PDE3A: variants seen among roughly 807,000 people sequenced by gnomAD.
PDE3A encodes the protein phosphodiesterase 3A, also known as cGMP-inhibited 3',5'-cyclic phosphodiesterase 3A.
PDE3A carries 43 observed loss-of-function variants against 98.3 expected under a neutral mutation model. That is an observed-to-expected ratio of 0.44 (90% CI 0.34 to 0.56). PDE3A has a LOEUF of 0.56. PDE3A is among the 20% of genes least tolerant of loss of function. The pLI is 0.01. For synonymous variants in PDE3A, 663 were observed against 567.9 expected (o/e 1.17, Z -2.38); for missense variants, 1,427 against 1,440.7 (o/e 0.99, Z 0.15).
chr12:20,569,944 C>A (rs966545876), intron 2 of PDE3A, among the ~76,000 whole-genome samples: 1 of 152,074 alleles, frequency 6.6e-6, no homozygotes, highest in Non-Finnish European at 1.5e-5. Context: ...GGCCAGATGA[C>A]CTCTGCAGTG....
intron 10 of PDE3A, among the ~76,000 whole-genome samples, chr12:20,644,513 A>G (rs1407010417): frequency 6.6e-6 from 1 of 152,178 alleles, no homozygotes; most frequent in Non-Finnish European, 1.5e-5. Flanking sequence ...CCAAGTTAGC[A>G]TGGATAATAT....
intron 1 of PDE3A, among the ~76,000 whole-genome samples, chr12:20,484,642 G>C (rs1330791479): frequency 6.6e-6 from 1 of 151,998 alleles, no homozygotes; most frequent in Non-Finnish European, 1.5e-5. Context: ...TTTCTGCTTT[G>C]TCTTTTACCT....
intron 1 of PDE3A, among the ~76,000 whole-genome samples, chr12:20,555,323 A>G (rs1942343280): frequency 6.6e-6 from 1 of 152,150 alleles, no homozygotes; most frequent in Non-Finnish European, 1.5e-5. Context: ...CCTCTAATGG[A>G]TTCTTTTTTA....
In PDE3A at chr12:20,681,576, C is replaced by G. The variant is rs911419085; in HGVS notation, c.*1305C>G. ...AGTTTGTCTTTCAGGGGTGAAGGTC[C>G]CACTGACAACCCCTGTTGTGGTGTT... is the stretch of plus-strand genomic sequence containing the variant. On this transcript the variant is annotated 3_prime_UTR_variant, in exon 16 of 16. Coordinates refer to ENST00000359062, the MANE Select transcript of PDE3A (RefSeq NM_000921.5). 3 of 152,176 alleles carry G rather than the reference C, an allele frequency of 2.0e-5. No homozygotes were observed. Among genetic ancestry groups the G allele is most frequent in the Non-Finnish European group, 2.9e-5 (2 of 68,040 alleles). The allele number at this position is 152,176 out of a possible 1,614,324, so 9.4% of individuals were successfully genotyped here.
intron 15 of PDE3A, among the ~76,000 whole-genome samples, chr12:20,663,019 G>A (rs548035672): frequency 2.8e-4 from 43 of 152,326 alleles, no homozygotes; most frequent in South Asian, 6.2e-4. Flanking sequence ...ACTTGGTGCC[G>A]TGAGTCCCAG....
chr12:20,665,074 A>G (rs1173477503), intron 15 of PDE3A, among the ~76,000 whole-genome samples: 1 of 152,094 alleles, frequency 6.6e-6, no homozygotes, highest in African/African-American at 2.4e-5. Context: ...CCACCTCCAT[A>G]CAATATTGTA....
intron 2 of PDE3A, among the ~76,000 whole-genome samples, chr12:20,594,328 G>C (rs77529234): frequency 0.015 from 2,308 of 152,220 alleles, 59 homozygotes; most frequent in African/African-American, 0.053. Context: ...ACAGTGGTAG[G>C]AGACTGGTAT....
At chr12:20,401,811 T>C (rs1027660783) in intron 1 of PDE3A, among the ~76,000 whole-genome samples, 4 of 152,204 alleles carry the variant, frequency 2.6e-5, no homozygotes, top group Non-Finnish European at 5.9e-5. Flanking sequence ...CAATGTATAA[T>C]TGAGCCCACC....
intron 1 of PDE3A, among the ~76,000 whole-genome samples, chr12:20,537,893 A>T (rs191629666): frequency 6.6e-6 from 1 of 151,470 alleles, no homozygotes; most frequent in Non-Finnish European, 1.5e-5. Context: ...TTAAAATTCT[A>T]TAGTCAGATC....
Position 20,552,080 on chromosome 12 carries a change from G to T in PDE3A, c.961-4580G>T. ...TTCACATACACGGGTAGTGGTGGTC[G>T]AGAGCTTTCCGGCAACAAGAGGACC... is the stretch of plus-strand genomic sequence containing the variant. On this transcript the variant is annotated intron_variant, in intron 1 of 15. Coordinates refer to ENST00000359062, the MANE Select transcript of PDE3A (RefSeq NM_000921.5). The surrounding 1 kb of genome is among the most constrained non-coding windows in gnomAD (Gnocchi z 5.1). 6.2e-7 allele frequency: 1 copy of T among 1,612,666 alleles called. No homozygotes were observed. The highest frequency in any genetic ancestry group is 8.5e-7 in the Non-Finnish European group (1 of 1,179,896).
intron 12 of PDE3A, among the ~76,000 whole-genome samples, chr12:20,647,395 AT>A (rs1423684666): frequency 6.7e-6 from 1 of 149,542 alleles, no homozygotes; most frequent in East Asian, 2.0e-4. Context: ...GGTTGGTAGG[AT>A]TTTAATATCA....
chr12:20,511,961 G>A (rs1946232877), intron 1 of PDE3A, among the ~76,000 whole-genome samples: 3 of 151,912 alleles, frequency 2.0e-5, no homozygotes, highest in Admixed American at 2.0e-4. Flanking sequence ...AAAAAGTTCA[G>A]ACAAACCCAT....
At chr12:20,575,944 CAAAG>C (rs1396427597) in intron 2 of PDE3A, among the ~76,000 whole-genome samples, 3 of 151,898 alleles carry the variant, frequency 2.0e-5, no homozygotes, top group African/African-American at 7.2e-5. Context: ...TATATGTACA[CAAAG>C]AACTTACACC....
At position 20,646,506 on chromosome 12, in the gene PDE3A, T is replaced by C. The variant is rs755096458; in HGVS notation, c.2268T>C (p.His756=). The change falls in exon 11 of 16, where the codon CAT becomes CAC. Residue 756 remains histidine (H), a synonymous_variant. Transcript: ENST00000359062. ...TGGTTACAGATCATAACAGAATCCA[T>C]GCCACTGATGTTTTACATGCTGTTT... ...YRDIPYHNRI[H]ATDVLHAVWY... is the part of the protein sequence containing the mutation. 6.3e-7 allele frequency: 1 copy of C among 1,592,344 alleles called. No homozygotes were observed. The highest frequency in any genetic ancestry group is 1.1e-5 in the South Asian group (1 of 90,616).
At position 20,514,538 on chromosome 12, in the gene PDE3A, ATG is replaced by A. The variant is rs142560974; in HGVS notation, c.961-42120_961-42119del. 8.7e-3 allele frequency among the ~76,000 whole-genome samples: 1,328 copies of A among 152,344 alleles called. 19 individuals carry two copies. The highest frequency in any genetic ancestry group is 0.03 in the African/African-American group (1,261 of 41,580). On this transcript the variant is annotated intron_variant, in intron 1 of 15. Transcript: ENST00000359062. ...CCCTTGAAGACAAAGGGTAGAAGTA[ATG>A]TCAGTCCTGTTTCTACAATATTTGA...
At chr12:20,526,438 ATT>A (rs1946519889) in intron 1 of PDE3A, among the ~76,000 whole-genome samples, 1 of 152,192 alleles carries the variant, frequency 6.6e-6, no homozygotes, top group Admixed American at 6.5e-5. Flanking sequence ...CTTGAAAATC[ATT>A]TTTTAAATCA....
At chr12:20,527,867 G>T (rs180735801) in intron 1 of PDE3A, among the ~76,000 whole-genome samples, 2 of 151,470 alleles carry the variant, frequency 1.3e-5, no homozygotes, top group South Asian at 2.1e-4. Context: ...TATATGTTGC[G>T]GTGGCTAAAA....
chr12:20,675,364 G>T (rs1945609117), intron 15 of PDE3A, among the ~76,000 whole-genome samples: 1 of 152,148 alleles, frequency 6.6e-6, no homozygotes, highest in African/African-American at 2.4e-5. Context: ...AGTTCCATGT[G>T]CTGACAATGA....
At chr12:20,419,131 A>C (rs1944470696) in intron 1 of PDE3A, among the ~76,000 whole-genome samples, 1 of 152,168 alleles carries the variant, frequency 6.6e-6, no homozygotes, top group African/African-American at 2.4e-5. Flanking sequence ...CTCATAATTA[A>C]AATTGGATGA....
Sources: allele counts gnomAD v4.1 joint callset (sites outside exome capture counted in the v4.1 genomes callset), GRCh38; gene constraint gnomAD v4.1.1; non-coding constraint Gnocchi (gnomAD v3.1); transcripts MANE v1.5; gene names NCBI Gene and HGNC (gene_info 2026-07-23, HGNC 2026-07-21).